The following KHDRBS2 variants were observed in gnomAD, a reference collection of about 807,000 sequenced individuals.
KHDRBS2 encodes the protein KH domain-containing, RNA-binding, signal transduction-associated protein 2.
Under a neutral mutation model 44.3 loss-of-function variants are expected in KHDRBS2, and 26 were observed. The observed-to-expected ratio is 0.59, with a 90% CI of 0.43 to 0.81. KHDRBS2 has a LOEUF of 0.81. KHDRBS2 is among the 40% of genes least tolerant of loss of function. KHDRBS2 has a pLI of 0.00. For missense variants in KHDRBS2, 476 were observed against 433.1 expected (o/e 1.10, Z -0.88); for synonymous variants, 194 against 151.1 (o/e 1.28, Z -2.08).
downstream of KHDRBS2, among the ~76,000 whole-genome samples, chr6:61,677,800 A>G (rs909428621): frequency 9.2e-5 from 14 of 151,898 alleles, no homozygotes; most frequent in African/African-American, 3.1e-4. Context: ...TCTCAAACAC[A>G]TTGAATTTTT....
chr6:61,600,952 G>A, the KHDRBS2 span, among the ~76,000 whole-genome samples: 3,721 of 152,198 alleles, frequency 0.024, 69 homozygotes, highest in Middle Eastern at 0.085. Context: ...AAACTCCAGC[G>A]CCAGTCATGG....
intron 6 of KHDRBS2, among the ~76,000 whole-genome samples, chr6:61,861,672 C>A (rs1013590076): frequency 3.7e-5 from 5 of 134,814 alleles, no homozygotes; most frequent in Non-Finnish European, 3.2e-5. Context: ...TTTTTTTTTT[C>A]TTAGGATTGC....
At chr6:61,702,233 G>T (rs1366826475) in intron 7 of KHDRBS2, among the ~76,000 whole-genome samples, 8 of 151,860 alleles carry the variant, frequency 5.3e-5, no homozygotes, top group Middle Eastern at 3.2e-3. Flanking sequence ...GCAGAGTGAT[G>T]TTACTAATTT....
intron 7 of KHDRBS2, among the ~76,000 whole-genome samples, chr6:61,718,865 A>G (rs1339613626): frequency 2.0e-5 from 3 of 152,150 alleles, no homozygotes; most frequent in Non-Finnish European, 4.4e-5. Context: ...TAAACTCTCC[A>G]CAAATTATCC....
rs138822513 is a variant in KHDRBS2, at chr6:62,206,254, T to A, written c.92-28942A>T. On this transcript the variant is annotated intron_variant, in intron 1 of 8. Transcript: ENST00000281156. ...TTCATTGAGCAAGTCTACTGAGGTT[T>A]CATTTTTCAACCTAAATGTTTATGC... is the stretch of plus-strand genomic sequence containing the variant. 2.5e-3 allele frequency among the ~76,000 whole-genome samples: 378 copies of A among 152,224 alleles called. 3 individuals carry two copies. Among genetic ancestry groups the A allele is most frequent in the African/African-American group, 8.3e-3 (346 of 41,566 alleles).
chr6:61,598,747 G>A, the KHDRBS2 span, among the ~76,000 whole-genome samples: 3 of 150,594 alleles, frequency 2.0e-5, no homozygotes, highest in Non-Finnish European at 4.4e-5. Flanking sequence ...TCTCTCCCTG[G>A]TTCCTTGACC....
At chr6:62,181,293 T>A (rs1822232168) in intron 1 of KHDRBS2, among the ~76,000 whole-genome samples, 1 of 151,990 alleles carries the variant, frequency 6.6e-6, no homozygotes, top group African/African-American at 2.4e-5. Context: ...GAAAACCATA[T>A]ATCTGATAAT....
chr6:61,966,106 T>G lies in KHDRBS2; in HGVS notation c.483+11960A>C, dbSNP rs1162480809. On this transcript the variant is annotated intron_variant, in intron 4 of 8. Transcript: ENST00000281156. ...ATCTCTGGATGCAATACATTCTAAC[T>G]GTACTATAATTGACATAGAATTTGT... Among the ~76,000 whole-genome samples, 8 of 148,738 alleles carry G rather than the reference T, an allele frequency of 5.4e-5. No homozygotes were observed. The East Asian group carries it at 1.6e-3, about 29-fold the overall frequency.
chr6:62,073,817 G>T (rs1353788245), intron 2 of KHDRBS2, among the ~76,000 whole-genome samples: 1 of 151,396 alleles, frequency 6.6e-6, no homozygotes, highest in African/African-American at 2.4e-5. Flanking sequence ...CACCAAGATC[G>T]ACATTAGTTG....
At chr6:61,742,512 A>C (rs879446080) in intron 6 of KHDRBS2, among the ~76,000 whole-genome samples, 1 of 151,980 alleles carries the variant, frequency 6.6e-6, no homozygotes, top group South Asian at 2.1e-4. Context: ...GTTACATTCT[A>C]TCTGTGGTAT....
chr6:61,870,608 C>T lies in KHDRBS2; in HGVS notation c.810+24027G>A, dbSNP rs547180606. Among the ~76,000 whole-genome samples, 171 of 152,268 alleles carry T rather than the reference C, an allele frequency of 1.1e-3. 1 individual carries two copies. The highest frequency in any genetic ancestry group is 3.9e-3 in the African/African-American group (162 of 41,570). ...ACACCTCCCAGGAGAGGCTGATAGA[C>T]ACCTCGTACAGGAGATCTCTGGCGG... On this transcript the variant is annotated intron_variant, in intron 6 of 8. Transcript: ENST00000281156.
At position 61,955,470 on chromosome 6, in the gene KHDRBS2, A is replaced by G. The variant is rs1049605787; in HGVS notation, c.483+22596T>C. Among the ~76,000 whole-genome samples the G allele has an allele frequency of 3.4e-3, 113 of 33,118 alleles. 16 individuals carry two copies. The highest frequency in any genetic ancestry group is 0.011 in the South Asian group (8 of 754). 21.7% of individuals were successfully genotyped at this position (33,118 alleles called of 152,430 possible). On this transcript the variant is annotated intron_variant, in intron 4 of 8. Coordinates refer to ENST00000281156, the MANE Select transcript of KHDRBS2 (RefSeq NM_152688.4). ...TATGTGTATATATACATATGTGTAT[A>G]TATACACATATGTATGTATGTATAC...
intron 6 of KHDRBS2, among the ~76,000 whole-genome samples, chr6:61,741,135 A>G (rs957022432): frequency 2.0e-5 from 3 of 151,912 alleles, no homozygotes; most frequent in Non-Finnish European, 4.4e-5. Context: ...CCCCATGCCA[A>G]TGTTTTTTGT....
intron 1 of KHDRBS2, among the ~76,000 whole-genome samples, chr6:62,180,068 T>C (rs1462887686): frequency 6.6e-6 from 1 of 151,768 alleles, no homozygotes; most frequent in Non-Finnish European, 1.5e-5. Context: ...GACTGCATAG[T>C]AAACCATCAT....
chr6:61,651,866 A>T, the KHDRBS2 span, among the ~76,000 whole-genome samples: 4 of 152,124 alleles, frequency 2.6e-5, no homozygotes, highest in African/African-American at 9.6e-5. Flanking sequence ...AACAGTAGAT[A>T]TAGGAATGCC....
chr6:61,597,741 TATATATATATATATATAC>T, the KHDRBS2 span, among the ~76,000 whole-genome samples: 65 of 43,242 alleles, frequency 1.5e-3, 2 homozygotes, highest in African/African-American at 7.8e-3. Flanking sequence ...TTTATATATA[TATATATATATATATATAC>T]ATATATATAT....
At chr6:61,725,018 T>A (rs1196920963) in intron 7 of KHDRBS2, among the ~76,000 whole-genome samples, 2 of 152,082 alleles carry the variant, frequency 1.3e-5, no homozygotes, top group Admixed American at 1.3e-4. Flanking sequence ...ATTCTTCTCA[T>A]CATGACATGG....
At chr6:61,558,416 G>T in the KHDRBS2 span, among the ~76,000 whole-genome samples, 1 of 152,100 alleles carries the variant, frequency 6.6e-6, no homozygotes, top group East Asian at 1.9e-4. Flanking sequence ...AAAAAATTTA[G>T]CTGTACATGG....
intron 6 of KHDRBS2, among the ~76,000 whole-genome samples, chr6:61,793,773 G>T (rs1192071): frequency 0.64 from 97,397 of 151,830 alleles, 31,964 homozygotes; most frequent in African/African-American, 0.79. Context: ...ACTTATTTTT[G>T]TAATGGTTAT....
Sources: gnomAD v4.1 joint callset for allele counts (sites outside exome capture counted in the v4.1 genomes callset) on GRCh38, gnomAD v4.1.1 for gene constraint, MANE v1.5 for transcripts, NCBI Gene and HGNC (gene_info 2026-07-23, HGNC 2026-07-21) for gene names.